ENTR1: variants seen among roughly 807,000 people sequenced by gnomAD.
The protein encoded by ENTR1 is endosome associated trafficking regulator 1.
ENTR1 carries 47 observed loss-of-function variants against 47.9 expected under a neutral mutation model. The ratio of observed to expected loss-of-function variants is 0.98; its 90% CI spans 0.78 to 1.25. The LOEUF (loss-of-function observed/expected upper bound fraction) is 1.25, where lower values mean the gene tolerates loss of function less well. Ranked by LOEUF, ENTR1 falls within the 50% of genes most tolerant of loss-of-function variation. The pLI, the probability that ENTR1 is intolerant of heterozygous loss-of-function variation, is 0.00. For missense variants in ENTR1, 668 were observed against 570.5 expected (o/e 1.17, Z -1.74); for synonymous variants, 290 against 245.8 (o/e 1.18, Z -1.68).
chr9:136,406,536 G>C (rs991905328), intron 5 of ENTR1, among the ~76,000 whole-genome samples: 19 of 152,006 alleles, frequency 1.2e-4, no homozygotes, highest in African/African-American at 4.3e-4. Flanking sequence ...GAGTACAGTG[G>C]CGTGACCTCG....
In ENTR1 at chr9:136,407,302, A is replaced by T. The variant is rs1445392607; in HGVS notation, c.662T>A (p.Leu221Gln). The T allele has an allele frequency of 6.2e-7, 1 of 1,612,286 alleles. No homozygotes were observed. Among genetic ancestry groups the T allele is most frequent in the South Asian group, 1.1e-5 (1 of 90,980 alleles). ...CGAGGGCAGAGACTCAGGCCCTGCC[A>T]GCTCCGACGGGGTGGAGAAAAAGGA... Reference protein sequence around the residue: ...YLSFFSTPSELAGPESLPSWA... With the variant: ...YLSFFSTPSEQAGPESLPSWA... Residue 221 changes from leucine (L) to glutamine (Q), a missense_variant, in exon 5 of 10, where the codon CTG (leucine) becomes CAG (glutamine). Physicochemically the swap from Leu to Gln is moderately radical, Grantham distance 113. Transcript: ENST00000357365.
chr9:136,406,569 C>T (rs548048519), intron 5 of ENTR1, among the ~76,000 whole-genome samples: 43 of 152,102 alleles, frequency 2.8e-4, no homozygotes, highest in Admixed American at 7.8e-4. Flanking sequence ...CTCCGCCTCC[C>T]GGGTTCAAGC....
At chr9:136,410,044 C>A (rs772182959) in intron 2 of ENTR1, 46 bp downstream of exon 2, 3 of 1,609,504 alleles carry the variant, frequency 1.9e-6, no homozygotes, top group Admixed American at 3.3e-5. Flanking sequence ...CCACACGTGG[C>A]GCGGGAACTG....
intron 6 of ENTR1, among the ~76,000 whole-genome samples, 159 bp downstream of exon 6, chr9:136,405,746 A>C (rs1246785711): frequency 6.6e-6 from 1 of 152,188 alleles, no homozygotes. Context: ...TCTCAAAATA[A>C]ACTTTTAGGC....
rs964342474 is a variant in ENTR1 at position 136,402,337 on chromosome 9, A to T, written c.*451T>A. The T allele has an allele frequency of 6.4e-6, 1 of 156,404 alleles. No individual in the cohort carries two copies. Among genetic ancestry groups the T allele is most frequent in the Non-Finnish European group, 1.4e-5 (1 of 70,846 alleles). The allele number at this position is 156,404 out of a possible 1,614,324, so 9.7% of individuals were successfully genotyped here. ...GACCCGGGAGCCAGAGGGAGCCCTG[A>T]GCATCGGCGGAAGGCACAGGTCCCT... On this transcript the variant is annotated 3_prime_UTR_variant, in exon 10 of 10. Transcript: ENST00000357365.
At position 136,410,019 on chromosome 9, in the gene ENTR1, G is replaced by A. The variant is rs756875994; in HGVS notation, c.220+71C>T. The A allele has an allele frequency of 2.6e-6, 4 of 1,562,474 alleles. No homozygotes were observed. The African/African-American group carries it at 5.4e-5, about 21-fold the overall frequency. ...TTGATGGGTCAATGGACGAGCTCGT[G>A]CTGCAGCGGAGGTGCCACACGTGGC... On this transcript the variant is annotated intron_variant, in intron 2 of 9. Transcript: ENST00000357365.
intron 5 of ENTR1, chr9:136,406,883 C>T (rs1834791339): frequency 5.2e-6 from 2 of 387,578 alleles, no homozygotes; most frequent in Non-Finnish European, 4.6e-6. Context: ...CTGCAGCCTG[C>T]CTTTACTGAG....
At chr9:136,405,032 C>T in intron 7 of ENTR1, 59 bp downstream of exon 7, 1 of 1,386,854 alleles carries the variant, frequency 7.2e-7, no homozygotes, top group Non-Finnish European at 1.0e-6. Context: ...GACAACAGCA[C>T]TTTCTCAGGA....
chr9:136,409,623 CTT>C (rs1176019095), intron 2 of ENTR1, among the ~76,000 whole-genome samples: 2 of 152,090 alleles, frequency 1.3e-5, no homozygotes, highest in Admixed American at 6.5e-5. Context: ...AGCGCGTCCT[CTT>C]GTCTTGTGAC....
At position 136,407,564 on chromosome 9, in the gene ENTR1, A is replaced by G. The variant is rs779392607; in HGVS notation, c.403-3T>C. 1.3e-3 allele frequency: 45 copies of G among 34,220 alleles called. No homozygotes were observed. Among genetic ancestry groups the G allele is most frequent in the Non-Finnish European group, 2.2e-3 (39 of 17,920 alleles). The allele number at this position is 34,220 out of a possible 1,614,324, so 2.1% of individuals were successfully genotyped here. A position where few individuals can be genotyped will look rare whatever the true frequency, so the allele number is the denominator to read the frequency against. On this transcript the variant is annotated splice_region_variant and splice_polypyrimidine_tract_variant and intron_variant, in intron 4 of 9. Coordinates refer to ENST00000357365, the MANE Select transcript of ENTR1 (RefSeq NM_001039707.2). ...CCCAGGGAATGCCTCGAGGCTTCCT[A>G]AAAAAAAAAAAAAAAAAAAAACAAT...
intron 7 of ENTR1, 185 bp from the exon 8 acceptor site, chr9:136,404,878 G>A: frequency 1.5e-6 from 1 of 679,532 alleles, no homozygotes; most frequent in Non-Finnish European, 2.5e-6. Context: ...ATCGTGCAGT[G>A]TCTGTGCTCT....
At chr9:136,407,788 G>T (rs776281765) in intron 4 of ENTR1, 38 bp downstream of exon 4, 1 of 1,498,250 alleles carries the variant, frequency 6.7e-7, no homozygotes, top group Non-Finnish European at 9.3e-7. Flanking sequence ...GAACAGAAAC[G>T]TCCCACAGAG....
Position 136,407,837 on chromosome 9 carries a change from T to A in ENTR1, c.391A>T (p.Ile131Phe), listed in dbSNP as rs1162679997. Reference protein sequence around the residue: ...GLSKEDPASRIYAKEASRHSL... With the variant: ...GLSKEDPASRFYAKEASRHSL... ...TGCCGTGGATTTACCTTTGCATAAA[T>A]TCTGCTGGCCGGATCCTCTTTCGAG... Residue 131 changes from isoleucine to phenylalanine, a missense_variant, in exon 4 of 10, where the codon ATT (isoleucine) becomes TTT (phenylalanine). By Grantham distance (21) the Ile-to-Phe change is conservative (BLOSUM62 0). Transcript: ENST00000357365. 3.1e-6 allele frequency: 5 copies of A among 1,610,912 alleles called. No homozygotes were observed. The highest frequency in any genetic ancestry group is 1.7e-6 in the Non-Finnish European group (2 of 1,177,226).
At chr9:136,408,108 G>A (rs1834870047) in intron 3 of ENTR1, 170 bp from the exon 4 acceptor site, 9 of 597,358 alleles carry the variant, frequency 1.5e-5, no homozygotes, top group Non-Finnish European at 2.4e-5. Flanking sequence ...GGCTGAAGGT[G>A]GGCAGTGACA....
At chr9:136,405,027 C>T in intron 7 of ENTR1, 64 bp downstream of exon 7, 2 of 1,306,766 alleles carry the variant, frequency 1.5e-6, no homozygotes, top group Non-Finnish European at 2.2e-6. Context: ...CTGAGGACAA[C>T]AGCACTTTCT....
chr9:136,408,919 C>G (rs1243836922), intron 3 of ENTR1, 80 bp downstream of exon 3: 2 of 1,129,100 alleles, frequency 1.8e-6, no homozygotes, highest in African/African-American at 3.1e-5. Context: ...CATAGCCAGT[C>G]ACATTGACAG....
At chr9:136,408,801 C>T (rs532986678) in intron 3 of ENTR1, among the ~76,000 whole-genome samples, 198 bp downstream of exon 3, 2 of 152,308 alleles carry the variant, frequency 1.3e-5, no homozygotes, top group East Asian at 1.9e-4. Context: ...CCCAGCCCCC[C>T]AGGTGGGGCT....
Position 136,402,556 on chromosome 9 carries a change from T to C in ENTR1, c.*232A>G. On this transcript the variant is annotated 3_prime_UTR_variant, in exon 10 of 10. Transcript: ENST00000357365. ...CAAGAGCTCATTAGAATCTATAAGA[T>C]CGCAGGAATTTCGCCAAGAAGGGCT... The C allele has an allele frequency of 4.7e-6, 2 of 422,696 alleles. No homozygotes were observed. Among genetic ancestry groups the C allele is most frequent in the Non-Finnish European group, 8.4e-6 (2 of 237,462 alleles). The allele number at this position is 422,696 out of a possible 1,614,324, so 26.2% of individuals were successfully genotyped here.
At chr9:136,405,467 G>A (rs1834720951) in intron 6 of ENTR1, 3 of 448,328 alleles carry the variant, frequency 6.7e-6, no homozygotes, top group South Asian at 2.3e-5. Flanking sequence ...GCCAGGCGCC[G>A]TGGCTCATGC....
Sources: gnomAD v4.1 joint callset for allele counts (sites outside exome capture counted in the v4.1 genomes callset) on GRCh38, gnomAD v4.1.1 for gene constraint, MANE v1.5 for transcripts, NCBI Gene and HGNC (gene_info 2026-07-23, HGNC 2026-07-21) for gene names.